Variants in ARHGAP8 observed in about 807,000 individuals in gnomAD.
The protein encoded by ARHGAP8 is Rho GTPase activating protein 8, also known as rho GTPase-activating protein 8.
ARHGAP8 carries 62 observed loss-of-function variants against 46.1 expected under a neutral mutation model. The ratio of observed to expected loss-of-function variants is 1.34; its 90% CI spans 1.10 to 1.66. The LOEUF is 1.66. ARHGAP8 is among the 40% of genes most tolerant of loss of function. ARHGAP8 has a pLI of 0.00. For synonymous variants in ARHGAP8, 375 were observed against 243.1 expected (o/e 1.54, Z -5.05); for missense variants, 923 against 568.4 (o/e 1.62, Z -6.34).
At position 44,848,030 on chromosome 22, in the gene ARHGAP8, T is replaced by C; in HGVS notation, c.728T>C (p.Ile243Thr). The change falls in exon 9 of 12, where the codon ATC (isoleucine) becomes ACC (threonine). Residue 243 changes from isoleucine to threonine, a missense_variant. Physicochemically the swap from Ile to Thr is moderately conservative, Grantham distance 89 (BLOSUM62 -1). Transcript: ENST00000356099. ...RSASVQTVRE[I>T]QRLYNQGKPV... is the part of the protein sequence containing the mutation. ...GCCAGCGTGCAGACCGTCCGCGAGA[T>C]CCAGAGGCTCTACAACCAAGGTGAG... The C allele has an allele frequency of 6.2e-7, 1 of 1,607,358 alleles. No individual in the cohort carries two copies. Among genetic ancestry groups the C allele is most frequent in the Middle Eastern group, 1.6e-4 (1 of 6,062 alleles).
chr22:44,762,271 C>G (rs910849060), intron 1 of ARHGAP8, among the ~76,000 whole-genome samples: 2 of 152,144 alleles, frequency 1.3e-5, no homozygotes, highest in South Asian at 4.2e-4. Flanking sequence ...GACCCAGTCT[C>G]TACAAAATAC....
intron 11 of ARHGAP8, among the ~76,000 whole-genome samples, chr22:44,860,626 C>T (rs1027343630): frequency 8.1e-5 from 7 of 86,582 alleles, no homozygotes; most frequent in East Asian, 5.8e-4. Flanking sequence ...GAGGGGCCAC[C>T]ATTCAATCTA....
At chr22:44,760,734 TTATAAA>T (rs1372188739) in intron 1 of ARHGAP8, among the ~76,000 whole-genome samples, 5 of 152,216 alleles carry the variant, frequency 3.3e-5, no homozygotes, top group African/African-American at 1.2e-4. Flanking sequence ...TTGCTATGAA[TTATAAA>T]TAGAACAGTT....
At chr22:44,858,058 C>CATTT (rs1471133968) in intron 10 of ARHGAP8, among the ~76,000 whole-genome samples, 1 of 152,232 alleles carries the variant, frequency 6.6e-6, no homozygotes, top group East Asian at 1.9e-4. Flanking sequence ...TTGAAATACT[C>CATTT]ATTTCAAGGG....
intron 1 of ARHGAP8, among the ~76,000 whole-genome samples, chr22:44,774,700 T>C (rs568256379): frequency 5.3e-5 from 8 of 152,060 alleles, no homozygotes; most frequent in African/African-American, 1.9e-4. Context: ...TTTTTGTGTT[T>C]TTAGTAGAGA....
At chr22:44,759,153 C>T (rs118059359) in intron 1 of ARHGAP8, among the ~76,000 whole-genome samples, 1 of 152,184 alleles carries the variant, frequency 6.6e-6, no homozygotes, top group East Asian at 1.9e-4. Flanking sequence ...TGTCCCAAGC[C>T]CTCTGCTTGT....
At chr22:44,858,335 C>A (rs938130447) in intron 10 of ARHGAP8, among the ~76,000 whole-genome samples, 1 of 149,574 alleles carries the variant, frequency 6.7e-6, no homozygotes, top group Non-Finnish European at 1.5e-5. Context: ...GCACCCGCAG[C>A]GGGAACTTGG....
At chr22:44,834,481 T>C (rs142781935) in intron 7 of ARHGAP8, among the ~76,000 whole-genome samples, 4 of 152,334 alleles carry the variant, frequency 2.6e-5, no homozygotes, top group African/African-American at 7.2e-5. Flanking sequence ...CTTTGTATGA[T>C]TTAACTTCTT....
In ARHGAP8 at chr22:44,858,533, C is replaced by CTTTTTTT. The variant is rs10700242; in HGVS notation, c.878-1186_878-1180dup. ...TACAGGTGTGTGCCACCATACCCGG[C>CTTTTTTT]TTTTTTTTTTTTTTTTTTAAGTAAC... On this transcript the variant is annotated intron_variant, in intron 10 of 11. Transcript: ENST00000356099. 3.4e-3 allele frequency among the ~76,000 whole-genome samples: 307 copies of CTTTTTTT among 89,742 alleles called. 16 individuals carry two copies. Among genetic ancestry groups the CTTTTTTT allele is most frequent in the Non-Finnish European group, 3.7e-3 (186 of 49,626 alleles). 58.9% of individuals were successfully genotyped at this position (89,742 alleles called of 152,430 possible).
intron 2 of ARHGAP8, 130 bp downstream of exon 2, chr22:44,786,736 CA>C: frequency 7.4e-7 from 1 of 1,348,128 alleles, no homozygotes; most frequent in Non-Finnish European, 1.0e-6. Context: ...TAATTAGAGC[CA>C]GGTGCAGTGG....
chr22:44,795,619 G>T (rs766840348), intron 2 of ARHGAP8, among the ~76,000 whole-genome samples: 1 of 152,098 alleles, frequency 6.6e-6, no homozygotes, highest in Admixed American at 6.5e-5. Context: ...CAAACCAGAC[G>T]AGGGCGGGAG....
chr22:44,801,922 T>C lies in ARHGAP8; in HGVS notation c.80-155T>C, dbSNP rs1602197080. 4.1e-6 allele frequency: 3 copies of C among 725,882 alleles called. No homozygotes were observed. In the East Asian group the frequency reaches 7.9e-5, roughly 19 times the overall value. The allele number at this position is 725,882 out of a possible 1,614,324, so 45.0% of individuals were successfully genotyped here. On this transcript the variant is annotated intron_variant, in intron 2 of 11. Transcript: ENST00000356099. ...ACCACGTGCATAAAGCCACAGGTGA[T>C]GGATGCTCACTCAGCAGGTGTCGCC... is the stretch of plus-strand genomic sequence containing the variant.
intron 2 of ARHGAP8, among the ~76,000 whole-genome samples, chr22:44,798,530 T>G (rs866123889): frequency 8.3e-5 from 1 of 12,068 alleles, no homozygotes; most frequent in Non-Finnish European, 3.5e-4. Context: ...GGGACTTGCG[T>G]TTTTTTTTTT....
chr22:44,859,173 G>A (rs2070342028), intron 10 of ARHGAP8, among the ~76,000 whole-genome samples: 1 of 152,218 alleles, frequency 6.6e-6, no homozygotes. Context: ...GGAGCTTGTA[G>A]AATTCAGGTG....
Position 44,764,491 on chromosome 22 carries a change from T to C in ARHGAP8, c.-72+11864T>C, listed in dbSNP as rs373451140. Among the ~76,000 whole-genome samples, 21 of 152,326 alleles carry C rather than the reference T, an allele frequency of 1.4e-4. No homozygotes were observed. In the East Asian group the frequency reaches 4.1e-3, roughly 30 times the overall value. On this transcript the variant is annotated intron_variant, in intron 1 of 11. Transcript: ENST00000356099. ...TGGCGCGTGCGACGGTGGTTCTTCC[T>C]GCTCACGTTCCTTCATGTGTTTGAC...
At chr22:44,797,739 TCA>T (rs1415209732) in intron 2 of ARHGAP8, among the ~76,000 whole-genome samples, 1 of 152,146 alleles carries the variant, frequency 6.6e-6, no homozygotes, top group Non-Finnish European at 1.5e-5. Context: ...ATCAAAGAGT[TCA>T]CACACTGTGC....
chr22:44,858,533 C>CTTTTTT lies in ARHGAP8; in HGVS notation c.878-1185_878-1180dup, dbSNP rs10700242. 4.5e-3 allele frequency among the ~76,000 whole-genome samples: 401 copies of CTTTTTT among 89,750 alleles called. 29 individuals carry two copies. Among genetic ancestry groups the CTTTTTT allele is most frequent in the Middle Eastern group, 0.018 (2 of 110 alleles). The allele number at this position is 89,750 out of a possible 152,430, so 58.9% of individuals were successfully genotyped here. ...TACAGGTGTGTGCCACCATACCCGGCTTTTTTTTTTTTTTTTTTAAGTAAC... is the reference window on the plus strand; with the variant it reads ...TACAGGTGTGTGCCACCATACCCGGCTTTTTTTTTTTTTTTTTTTTTTTTAAGTAAC... On this transcript the variant is annotated intron_variant, in intron 10 of 11. Transcript: ENST00000356099.
intron 1 of ARHGAP8, among the ~76,000 whole-genome samples, chr22:44,777,986 G>A (rs1390143641): frequency 2.0e-5 from 3 of 151,482 alleles, no homozygotes; most frequent in Non-Finnish European, 4.4e-5. Flanking sequence ...ATGAGCCACT[G>A]TGCCTGGACT....
intron 1 of ARHGAP8, among the ~76,000 whole-genome samples, chr22:44,754,235 T>C (rs1333113427): frequency 6.6e-6 from 1 of 152,082 alleles, no homozygotes; most frequent in Non-Finnish European, 1.5e-5. Context: ...TGGCACCTAC[T>C]GGCTAGGGAT....
Sources: gnomAD v4.1 joint callset for allele counts (sites outside exome capture counted in the v4.1 genomes callset) on GRCh38, gnomAD v4.1.1 for gene constraint, MANE v1.5 for transcripts, NCBI Gene and HGNC (gene_info 2026-07-23, HGNC 2026-07-21) for gene names.